Variants in SPMAP2 observed in about 807,000 individuals in gnomAD.
SPMAP2 encodes the protein Theg homolog.
the SPMAP2 span, among the ~76,000 whole-genome samples, chr19:364,149 C>T: frequency 1.0e-3 from 155 of 148,316 alleles, no homozygotes; most frequent in South Asian, 4.1e-3. Flanking sequence ...CTGGCTCACA[C>T]GGTGAAATCC....
the SPMAP2 span, among the ~76,000 whole-genome samples, chr19:363,638 A>AGG: frequency 1.3e-3 from 192 of 151,884 alleles, 1 homozygote; most frequent in Non-Finnish European, 1.4e-3. Context: ...GGATCAAGTG[A>AGG]TTCTCCTGCC....
chr19:375,937 G>C, the SPMAP2 span: 1 of 1,449,332 alleles, frequency 6.9e-7, no homozygotes, highest in Non-Finnish European at 9.1e-7. Flanking sequence ...GAGCTGGGCT[G>C]GTTCCCGAGT....
chr19:366,038 A>G, the SPMAP2 span, among the ~76,000 whole-genome samples: 64,046 of 151,712 alleles, frequency 0.42, 13,716 homozygotes, highest in Middle Eastern at 0.47. Flanking sequence ...CTACTCGGGA[A>G]GCCGAGGCAG....
the SPMAP2 span, among the ~76,000 whole-genome samples, chr19:364,134 C>T: frequency 1.5e-4 from 23 of 150,472 alleles, no homozygotes; most frequent in Non-Finnish European, 1.3e-4. Flanking sequence ...GAGATCGAGA[C>T]CATCCTGGCT....
At chr19:374,642 T>C in the SPMAP2 span, 2 of 585,580 alleles carry the variant, frequency 3.4e-6, no homozygotes, top group Non-Finnish European at 6.0e-6. Context: ...CCCGTCCAGG[T>C]CACCTGTCTC....
the SPMAP2 span, chr19:375,764 C>T: frequency 1.2e-6 from 2 of 1,610,272 alleles, no homozygotes; most frequent in South Asian, 2.2e-5. Context: ...CCTCCCCGGC[C>T]ACCTCCTCGG....
At chr19:369,348 C>T in the SPMAP2 span, among the ~76,000 whole-genome samples, 8 of 152,054 alleles carry the variant, frequency 5.3e-5, no homozygotes, top group African/African-American at 1.2e-4. Flanking sequence ...AATCCCCGCC[C>T]GGAGAATGCA....
At chr19:364,792 T>C in the SPMAP2 span, among the ~76,000 whole-genome samples, 1 of 151,566 alleles carries the variant, frequency 6.6e-6, no homozygotes, top group Non-Finnish European at 1.5e-5. Context: ...CCTTCCTTTA[T>C]AGCAGGGAGC....
chr19:367,977 G>A, the SPMAP2 span, among the ~76,000 whole-genome samples: 1 of 152,218 alleles, frequency 6.6e-6, no homozygotes, highest in Non-Finnish European at 1.5e-5. Flanking sequence ...CTAGGGGACA[G>A]GATATGAAAA....
chr19:365,147 G>A, the SPMAP2 span, among the ~76,000 whole-genome samples: 3 of 152,174 alleles, frequency 2.0e-5, no homozygotes, highest in Non-Finnish European at 2.9e-5. Context: ...GCACGCACCC[G>A]CGCTCACCAC....
At chr19:366,517 A>G in the SPMAP2 span, among the ~76,000 whole-genome samples, 1 of 152,240 alleles carries the variant, frequency 6.6e-6, no homozygotes, top group African/African-American at 2.4e-5. Flanking sequence ...GAAAGAATGA[A>G]TAAACAAAGA....
chr19:363,850 T>G, the SPMAP2 span, among the ~76,000 whole-genome samples: 1 of 152,014 alleles, frequency 6.6e-6, no homozygotes, highest in Admixed American at 6.6e-5. Flanking sequence ...TTATTTTATT[T>G]TGAGGCAGGG....
At chr19:371,304 G>A in the SPMAP2 span, 3 of 1,484,244 alleles carry the variant, frequency 2.0e-6, no homozygotes, top group Non-Finnish European at 2.7e-6. Context: ...ACCGAGGAAT[G>A]GGCCAGACAG....
chr19:374,029 C>T, the SPMAP2 span: 1 of 1,611,128 alleles, frequency 6.2e-7, no homozygotes, highest in Non-Finnish European at 8.5e-7. Context: ...GAGACAGGGT[C>T]CGAGCCCCAC....
At chr19:365,630 G>A in the SPMAP2 span, among the ~76,000 whole-genome samples, 412 of 128,202 alleles carry the variant, frequency 3.2e-3, no homozygotes, top group African/African-American at 0.012. Context: ...TAGCAAGTGC[G>A]AGCACACACA....
the SPMAP2 span, chr19:375,586 G>A: frequency 4.3e-6 from 6 of 1,406,422 alleles, no homozygotes; most frequent in East Asian, 2.6e-5. Context: ...CGCCCAGGGG[G>A]CTGCTGCCCT....
At chr19:375,137 G>A in the SPMAP2 span, among the ~76,000 whole-genome samples, 33 of 152,258 alleles carry the variant, frequency 2.2e-4, no homozygotes, top group African/African-American at 2.9e-4. Context: ...TGTAGAGTGC[G>A]CGCCTTGCTG....
At chr19:372,520 G>A in the SPMAP2 span, 2 of 1,110,640 alleles carry the variant, frequency 1.8e-6, no homozygotes, top group Non-Finnish European at 2.7e-6. Context: ...AACACCAGCT[G>A]TCTAGGGCTA....
At chr19:364,174 A>G in the SPMAP2 span, among the ~76,000 whole-genome samples, 8 of 149,970 alleles carry the variant, frequency 5.3e-5, no homozygotes, top group African/African-American at 2.0e-4. Context: ...TCTACTAAAA[A>G]TACAAAAAAA....
Sources: allele counts gnomAD v4.1 joint callset (sites outside exome capture counted in the v4.1 genomes callset), GRCh38; gene constraint gnomAD v4.1.1; transcripts MANE v1.5; gene names NCBI Gene and HGNC (gene_info 2026-07-23, HGNC 2026-07-21).